The following HS6ST3 variants were observed in gnomAD, a reference collection of about 807,000 sequenced individuals.
HS6ST3 encodes heparan sulfate 6-O-sulfotransferase 3, also known as heparan-sulfate 6-O-sulfotransferase 3.
Under a neutral mutation model 36.7 loss-of-function variants are expected in HS6ST3, and 12 were observed. That is an observed-to-expected ratio of 0.33 (90% CI 0.21 to 0.53). The LOEUF is 0.53. Ranked by LOEUF, HS6ST3 falls within the 20% of genes least tolerant of loss-of-function variation. The pLI, the probability that HS6ST3 is intolerant of heterozygous loss-of-function variation, is 0.95. For missense variants in HS6ST3, 584 were observed against 640.9 expected (o/e 0.91, Z 0.96); for synonymous variants, 240 against 257.5 (o/e 0.93, Z 0.65).
chr13:96,507,534 G>A (rs576072864), intron 1 of HS6ST3, among the ~76,000 whole-genome samples: 44 of 152,046 alleles, frequency 2.9e-4, no homozygotes, highest in African/African-American at 4.8e-4. Flanking sequence ...TAAGGCCCTG[G>A]AAAATTAACG....
chr13:96,754,480 G>A (rs937560419), intron 1 of HS6ST3, among the ~76,000 whole-genome samples: 7 of 152,076 alleles, frequency 4.6e-5, no homozygotes, highest in African/African-American at 1.7e-4. Flanking sequence ...TTTCTTACAC[G>A]GACTTGTATA....
At chr13:96,652,746 C>A (rs575328233) in intron 1 of HS6ST3, among the ~76,000 whole-genome samples, 1 of 152,116 alleles carries the variant, frequency 6.6e-6, no homozygotes, top group South Asian at 2.1e-4. Context: ...TCTTTGAGGA[C>A]CTCTCTAGGG....
intron 1 of HS6ST3, among the ~76,000 whole-genome samples, chr13:96,451,986 C>T (rs1689722547): frequency 1.3e-5 from 2 of 152,138 alleles, no homozygotes. Context: ...GTTTTTACCT[C>T]TGTTGAATTG....
intron 1 of HS6ST3, among the ~76,000 whole-genome samples, chr13:96,443,528 TC>T (rs1269774783): frequency 2.4e-5 from 1 of 41,958 alleles, no homozygotes; most frequent in Non-Finnish European, 4.6e-5. Context: ...AGACTCCGTC[TC>T]AAAAAAAAAA....
At chr13:96,674,128 G>A (rs552866084) in intron 1 of HS6ST3, among the ~76,000 whole-genome samples, 4 of 152,224 alleles carry the variant, frequency 2.6e-5, no homozygotes, top group Admixed American at 2.6e-4. Flanking sequence ...GATCATGGGT[G>A]TGGCTTCCCC....
rs113563720 is a variant in HS6ST3, at chr13:96,835,604, G to GAC, written c.*2436_*2437dup. ...AAATTATCCTTCTGCCTGCCCCTGT[G>GAC]ACACACACACACACACACACACACA... On this transcript the variant is annotated 3_prime_UTR_variant, in exon 2 of 2. Coordinates refer to ENST00000376705, the MANE Select transcript of HS6ST3 (RefSeq NM_153456.4). 2,021 of 148,584 alleles carry GAC rather than the reference G, an allele frequency of 0.014. 24 individuals carry two copies. The highest frequency in any genetic ancestry group is 0.033 in the African/African-American group (1,316 of 39,994). 9.2% of individuals were successfully genotyped at this position (148,584 alleles called of 1,614,324 possible).
rs2055594360 is a variant in HS6ST3, at chr13:96,427,743, C to CT, written c.707+336177dup. Among the ~76,000 whole-genome samples, 3 of 152,202 alleles carry CT rather than the reference C, an allele frequency of 2.0e-5. No individual in the cohort carries two copies. In the South Asian group the frequency reaches 6.2e-4, roughly 32 times the overall value. On this transcript the variant is annotated intron_variant, in intron 1 of 1. Coordinates refer to ENST00000376705, the MANE Select transcript of HS6ST3 (RefSeq NM_153456.4). ...ATTTCACCAGAGCTCCATAAAGATC[C>CT]TTTGTCTGTTCCAGGATCGAATCCA...
intron 1 of HS6ST3, among the ~76,000 whole-genome samples, chr13:96,173,007 G>GGGCTGCAGATAAAGATGTGAACAAAGT (rs2139335439): frequency 6.6e-6 from 1 of 152,202 alleles, no homozygotes; most frequent in African/African-American, 2.4e-5. Flanking sequence ...TTTGTTTTAA[G>GGGCTGCAGATAAAGATGTGAACAAAGT]GGCTGCAGAT....
At chr13:96,242,045 A>G (rs1289107684) in intron 1 of HS6ST3, among the ~76,000 whole-genome samples, 1 of 151,844 alleles carries the variant, frequency 6.6e-6, no homozygotes, top group Non-Finnish European at 1.5e-5. Context: ...TCGGCCTCCC[A>G]AAGTGCTGAG....
chr13:96,132,121 TAC>T (rs60692669), intron 1 of HS6ST3, among the ~76,000 whole-genome samples: 19,412 of 134,088 alleles, frequency 0.14, 1,360 homozygotes, highest in Non-Finnish European at 0.16. Flanking sequence ...AGTATTCCAG[TAC>T]ACACACACAC....
intron 1 of HS6ST3, among the ~76,000 whole-genome samples, chr13:96,615,347 G>T (rs1047332430): frequency 3.9e-5 from 6 of 152,128 alleles, no homozygotes; most frequent in Non-Finnish European, 8.8e-5. Flanking sequence ...CCCTTCAAAT[G>T]ACAGGATCTG....
chr13:96,682,282 G>A (rs987823675), intron 1 of HS6ST3, among the ~76,000 whole-genome samples: 11 of 152,080 alleles, frequency 7.2e-5, no homozygotes, highest in African/African-American at 1.9e-4. Context: ...TATTTAGGGG[G>A]CATAATAACC....
intron 1 of HS6ST3, among the ~76,000 whole-genome samples, chr13:96,137,479 G>A (rs1052283048): frequency 6.7e-6 from 1 of 150,346 alleles, no homozygotes; most frequent in Admixed American, 6.6e-5. Context: ...TGTCACCCAG[G>A]CTGGAGTACA....
At chr13:96,100,270 C>T (rs993748116) in intron 1 of HS6ST3, among the ~76,000 whole-genome samples, 5 of 151,992 alleles carry the variant, frequency 3.3e-5, no homozygotes, top group African/African-American at 1.2e-4. Context: ...TTAAGTGCTA[C>T]TAATGTATAT....
At chr13:96,604,850 C>T (rs1270122889) in intron 1 of HS6ST3, among the ~76,000 whole-genome samples, 2 of 152,010 alleles carry the variant, frequency 1.3e-5, no homozygotes, top group African/African-American at 2.4e-5. Context: ...GATTTTGGAC[C>T]ATTTAAGGTT....
intron 1 of HS6ST3, among the ~76,000 whole-genome samples, chr13:96,144,880 G>A (rs1234549631): frequency 1.4e-5 from 2 of 140,178 alleles, no homozygotes; most frequent in African/African-American, 5.4e-5. Flanking sequence ...TCCCATCTAT[G>A]AGTGAGAACA....
At chr13:96,821,065 C>T (rs559654906) in intron 1 of HS6ST3, among the ~76,000 whole-genome samples, 1 of 152,346 alleles carries the variant, frequency 6.6e-6, no homozygotes, top group South Asian at 2.1e-4. Flanking sequence ...CAATAATTCT[C>T]CCTTGTCTCT....
chr13:96,288,183 T>C (rs1195291555), intron 1 of HS6ST3, among the ~76,000 whole-genome samples: 1 of 152,186 alleles, frequency 6.6e-6, no homozygotes, highest in Admixed American at 6.5e-5. Context: ...GAGTCACTGA[T>C]GTAATCCCTC....
chr13:96,486,436 A>G (rs1326680296), intron 1 of HS6ST3, among the ~76,000 whole-genome samples: 1 of 152,134 alleles, frequency 6.6e-6, no homozygotes, highest in African/African-American at 2.4e-5. Flanking sequence ...CTGAGGAATC[A>G]CCACACTGTC....
Sources: gnomAD v4.1 joint callset for allele counts (sites outside exome capture counted in the v4.1 genomes callset) on GRCh38, gnomAD v4.1.1 for gene constraint, MANE v1.5 for transcripts, NCBI Gene and HGNC (gene_info 2026-07-23, HGNC 2026-07-21) for gene names.